CATSPERG: variants seen among roughly 807,000 people sequenced by gnomAD.
CATSPERG encodes the protein cation channel sperm-associated auxiliary subunit gamma.
In CATSPERG, 115 loss-of-function variants were observed where a neutral mutation model predicts 145.0. The observed-to-expected ratio is 0.79, with a 90% CI of 0.68 to 0.93. The LOEUF (loss-of-function observed/expected upper bound fraction) is 0.93. Among genes scored for constraint, CATSPERG ranks in the 40% least tolerant of loss-of-function variants. CATSPERG has a pLI of 0.00. For missense variants in CATSPERG, 1,296 were observed against 1,490.1 expected (o/e 0.87, Z 2.14); for synonymous variants, 588 against 589.0 (o/e 1.00, Z 0.02).
intron 6 of CATSPERG, among the ~76,000 whole-genome samples, chr19:38,345,446 G>A (rs927971721): frequency 1.3e-5 from 2 of 151,734 alleles, no homozygotes; most frequent in Non-Finnish European, 2.9e-5. Context: ...GCCTACCTCG[G>A]TCTCCCAAAG....
Position 38,351,802 on chromosome 19 carries a change from C to T in CATSPERG, c.826-459C>T, listed in dbSNP as rs935527110. On this transcript the variant is annotated intron_variant, in intron 7 of 28. Coordinates refer to ENST00000409235, the MANE Select transcript of CATSPERG (RefSeq NM_021185.5). ...TGGTGAGCACCTCTCTTGCCAGCTA[C>T]TCGGGAGACTGAGGTGGGAGGATCG... Among the ~76,000 whole-genome samples the T allele has an allele frequency of 2.0e-4, 31 of 152,024 alleles. 1 individual carries two copies. Among genetic ancestry groups the T allele is most frequent in the Admixed American group, 2.6e-4 (4 of 15,252 alleles).
intron 9 of CATSPERG, 26 bp downstream of exon 9, chr19:38,354,873 C>G (rs1437737071): frequency 6.2e-7 from 1 of 1,610,704 alleles, no homozygotes; most frequent in African/African-American, 1.3e-5. Context: ...TCTGTCAGCC[C>G]CAGGGACCCC....
In CATSPERG at chr19:38,365,116, A is replaced by G; in HGVS notation, c.2612A>G (p.Gln871Arg). The change falls in exon 22 of 29, where the codon CAA (glutamine) becomes CGA (arginine). Residue 871 changes from glutamine to arginine, a missense_variant and splice_region_variant. By Grantham distance (43) the Gln-to-Arg change is conservative. Coordinates refer to ENST00000409235, the MANE Select transcript of CATSPERG (RefSeq NM_021185.5). ...GAAACACACCTGGGGCCCCATATGC[A>G]AGTATTGGAGCTTGGGATACTGGGC... ...FQETHLGPHM[Q>R]GNLMVPVFIG... The G allele has an allele frequency of 1.2e-6, 2 of 1,613,350 alleles. No homozygotes were observed. Among genetic ancestry groups the G allele is most frequent in the Non-Finnish European group, 1.7e-6 (2 of 1,179,950 alleles).
Position 38,344,646 on chromosome 19 carries a change from T to A in CATSPERG, c.669+278T>A, listed in dbSNP as rs1379952379. ...CTTGAAGTTATCTGTCTGACTCCTA[T>A]ACACACCTGTACATCCATACCTGTA... On this transcript the variant is annotated intron_variant, in intron 6 of 28. Transcript: ENST00000409235. Among the ~76,000 whole-genome samples, 25 of 151,804 alleles carry A rather than the reference T, an allele frequency of 1.6e-4. 1 individual carries two copies. Among genetic ancestry groups the A allele is most frequent in the Admixed American group, 1.6e-3 (24 of 15,202 alleles).
intron 26 of CATSPERG, among the ~76,000 whole-genome samples, chr19:38,368,798 G>A (rs1276031626): frequency 2.0e-5 from 3 of 152,186 alleles, no homozygotes; most frequent in Non-Finnish European, 4.4e-5. Flanking sequence ...AAGTAGCTGG[G>A]ATTACAGGCA....
chr19:38,337,094 G>A (rs1687991903), intron 1 of CATSPERG, 127 bp from the exon 2 acceptor site: 2 of 1,182,704 alleles, frequency 1.7e-6, no homozygotes, highest in Admixed American at 4.5e-5. Flanking sequence ...CAGGGGCGGG[G>A]CCAGGAGCAA....
intron 3 of CATSPERG, among the ~76,000 whole-genome samples, chr19:38,338,884 A>G (rs1213855070): frequency 2.6e-5 from 4 of 151,932 alleles, no homozygotes; most frequent in African/African-American, 9.7e-5. Flanking sequence ...TTATTAATTA[A>G]TTAATTAATT....
chr19:38,363,891 G>A (rs1331027815), intron 20 of CATSPERG, among the ~76,000 whole-genome samples: 2 of 152,214 alleles, frequency 1.3e-5, no homozygotes, highest in East Asian at 3.8e-4. Context: ...GCAACCATCC[G>A]ATTTCTCAAT....
intron 7 of CATSPERG, among the ~76,000 whole-genome samples, chr19:38,351,837 A>T (rs1970146899): frequency 6.6e-6 from 1 of 151,744 alleles, no homozygotes. Flanking sequence ...GTTCGAGCCC[A>T]GGAGTTTGAA....
At chr19:38,362,623 A>G (rs533851824) in intron 19 of CATSPERG, 49 bp downstream of exon 19, 1 of 1,605,096 alleles carries the variant, frequency 6.2e-7, no homozygotes, top group East Asian at 2.2e-5. Flanking sequence ...GAGGGCTACC[A>G]GAATCTGGGA....
chr19:38,356,568 C>G (rs184862901), intron 10 of CATSPERG, 25 bp downstream of exon 10: 1 of 1,609,402 alleles, frequency 6.2e-7, no homozygotes, highest in South Asian at 1.1e-5. Context: ...GATGGGTCTG[C>G]GGTGGGAGGC....
In CATSPERG at chr19:38,361,815, A is replaced by G. The variant is rs1970350595; in HGVS notation, c.2048A>G (p.Gln683Arg). 1 of 1,612,234 alleles carries G rather than the reference A, an allele frequency of 6.2e-7. No individual in the cohort carries two copies. The highest frequency in any genetic ancestry group is 1.7e-5 in the Admixed American group (1 of 59,764). The change falls in exon 17 of 29, where the codon CAG becomes CGG. Residue 683 changes from glutamine to arginine, a missense_variant. Transcript: ENST00000409235. Reference protein sequence around the residue: ...FHNENSLAIYQGLVYYLLWLH... With the variant: ...FHNENSLAIYRGLVYYLLWLH... Reference sequence around the variant, plus strand: ...AACGAGAACTCGCTCGCCATCTACCAGGGCCTGGTCTACTACCTGCTGTGG... The same window carrying G: ...AACGAGAACTCGCTCGCCATCTACCGGGGCCTGGTCTACTACCTGCTGTGG...
intron 20 of CATSPERG, among the ~76,000 whole-genome samples, chr19:38,363,489 C>CTTTT (rs1173452820): frequency 6.2e-5 from 8 of 128,222 alleles, no homozygotes; most frequent in East Asian, 2.2e-4. Flanking sequence ...TAGCCTATTC[C>CTTTT]TTTTTTTTTT....
intron 9 of CATSPERG, among the ~76,000 whole-genome samples, chr19:38,355,251 A>C (rs1445644148): frequency 6.6e-6 from 1 of 152,136 alleles, no homozygotes; most frequent in Non-Finnish European, 1.5e-5. Context: ...AGGCTGAGGC[A>C]GGAGAGTCAC....
Position 38,370,762 on chromosome 19 carries a change from G to C in CATSPERG, c.3450G>C (p.Lys1150Asn). 1 of 1,614,026 alleles carries C rather than the reference G, an allele frequency of 6.2e-7. No individual in the cohort carries two copies. The highest frequency in any genetic ancestry group is 8.5e-7 in the Non-Finnish European group (1 of 1,179,998). Reference protein sequence around the residue: ...SRMTEDRAEPKEAVERQLMT With the variant: ...SRMTEDRAEPNEAVERQLMT ...TGACAGAGGACAGGGCTGAACCCAAGGAAGCCGTGGAGAGACAGTTGATGA... is the reference window on the plus strand; with the variant it reads ...TGACAGAGGACAGGGCTGAACCCAACGAAGCCGTGGAGAGACAGTTGATGA... Residue 1150 changes from lysine to asparagine, a missense_variant, in exon 29 of 29, where the codon AAG becomes AAC. Physicochemically the swap from Lys to Asn is moderately conservative, Grantham distance 94. Coordinates refer to ENST00000409235, the MANE Select transcript of CATSPERG (RefSeq NM_021185.5).
chr19:38,341,166 G>C (rs892802094), intron 3 of CATSPERG, among the ~76,000 whole-genome samples: 3 of 152,164 alleles, frequency 2.0e-5, no homozygotes, highest in Admixed American at 6.5e-5. Context: ...TTTGGGGCTT[G>C]ATGGGCCATG....
chr19:38,361,897 G>C (rs200670833), intron 17 of CATSPERG, 36 bp downstream of exon 17: 10 of 1,559,316 alleles, frequency 6.4e-6, no homozygotes, highest in Non-Finnish European at 8.7e-6. Context: ...GGCCTGAGAC[G>C]GGACTGGGGC....
intron 3 of CATSPERG, among the ~76,000 whole-genome samples, chr19:38,339,909 C>T (rs949979641): frequency 5.3e-5 from 8 of 151,572 alleles, no homozygotes; most frequent in African/African-American, 1.7e-4. Context: ...GGCTGGAGTG[C>T]AGTGGCGTGA....
chr19:38,368,229 C>T, intron 26 of CATSPERG, 92 bp downstream of exon 26: 3 of 1,062,144 alleles, frequency 2.8e-6, no homozygotes, highest in Non-Finnish European at 4.3e-6. Context: ...CCTCTTGATC[C>T]CCAAGTCACA....
Sources: gnomAD v4.1 joint callset for allele counts (sites outside exome capture counted in the v4.1 genomes callset) on GRCh38, gnomAD v4.1.1 for gene constraint, MANE v1.5 for transcripts, NCBI Gene and HGNC (gene_info 2026-07-23, HGNC 2026-07-21) for gene names.